Variants in NEBL observed in about 807,000 individuals in gnomAD.
NEBL encodes the protein nebulette, also known as LIM and SH3 protein 2.
In NEBL, 122 loss-of-function variants were observed where a neutral mutation model predicts 140.2. The ratio of observed to expected loss-of-function variants is 0.87; its 90% confidence interval spans 0.75 to 1.01. NEBL has a LOEUF of 1.01. Among genes scored for constraint, NEBL ranks in the 50% least tolerant of loss-of-function variants. The pLI is 0.00. For synonymous variants in NEBL, 436 were observed against 398.9 expected (o/e 1.09, Z -1.11); for missense variants, 1,365 against 1,231.3 (o/e 1.11, Z -1.62).
intron 2 of NEBL, among the ~76,000 whole-genome samples, chr10:21,149,532 C>A (rs1456564464): frequency 6.6e-6 from 1 of 152,174 alleles, no homozygotes; most frequent in Non-Finnish European, 1.5e-5. Context: ...CTCAAGTGAT[C>A]CGCCTCTCTT....
At chr10:21,137,938 AAAGGGAAGGG>A (rs199866448) in intron 2 of NEBL, among the ~76,000 whole-genome samples, 2,006 of 149,002 alleles carry the variant, frequency 0.013, 40 homozygotes, top group African/African-American at 0.044. Context: ...AAAAAAAAGG[AAAGGGAAGGG>A]AAGGGAAGGG....
chr10:20,869,394 C>G (rs1844675051), intron 6 of NEBL, among the ~76,000 whole-genome samples: 1 of 152,060 alleles, frequency 6.6e-6, no homozygotes, highest in Non-Finnish European at 1.5e-5. Context: ...CAAGGCCAAG[C>G]AAGAGCCTTT....
chr10:20,969,495 T>A (rs946488220), intron 3 of NEBL, among the ~76,000 whole-genome samples: 5 of 151,222 alleles, frequency 3.3e-5, no homozygotes, highest in Non-Finnish European at 7.4e-5. Context: ...AAATTTTTTT[T>A]ATTCTAAACA....
intron 2 of NEBL, among the ~76,000 whole-genome samples, chr10:21,251,644 G>A (rs570410966): frequency 6.6e-5 from 10 of 152,160 alleles, no homozygotes; most frequent in African/African-American, 2.2e-4. Context: ...CCAATGTAAT[G>A]GCATTTGGAA....
At chr10:20,949,674 T>G (rs1835357038) in intron 4 of NEBL, among the ~76,000 whole-genome samples, 1 of 152,222 alleles carries the variant, frequency 6.6e-6, no homozygotes, top group African/African-American at 2.4e-5. Flanking sequence ...TGAACAACAC[T>G]CTTCTATACT....
chr10:21,073,485 C>A (rs1219487968), intron 2 of NEBL, among the ~76,000 whole-genome samples: 1 of 151,702 alleles, frequency 6.6e-6, no homozygotes, highest in Admixed American at 6.6e-5. Flanking sequence ...GGCTTGGTGG[C>A]ACGCACTTGT....
chr10:20,909,858 C>T (rs775101996), intron 4 of NEBL, among the ~76,000 whole-genome samples: 7 of 151,932 alleles, frequency 4.6e-5, no homozygotes, highest in Non-Finnish European at 7.4e-5. Context: ...TAGTACAGCC[C>T]TGATCCAAAG....
intron 5 of NEBL, among the ~76,000 whole-genome samples, chr10:20,874,331 A>G (rs78574276): frequency 0.059 from 9,017 of 152,286 alleles, 365 homozygotes; most frequent in Middle Eastern, 0.12. Context: ...CTGTCCTGCC[A>G]GATACCCCAT....
intron 2 of NEBL, among the ~76,000 whole-genome samples, chr10:21,112,528 G>C (rs1054416563): frequency 7.9e-6 from 1 of 127,346 alleles, no homozygotes; most frequent in South Asian, 2.5e-4. Flanking sequence ...TCATAGGTGG[G>C]AACTGAACAA....
At chr10:20,914,532 A>G (rs1848459290) in intron 4 of NEBL, among the ~76,000 whole-genome samples, 1 of 152,234 alleles carries the variant, frequency 6.6e-6, no homozygotes, top group Non-Finnish European at 1.5e-5. Flanking sequence ...ATTGTTTAAT[A>G]ATATTGTTCA....
intron 2 of NEBL, among the ~76,000 whole-genome samples, chr10:21,114,678 G>C (rs975863280): frequency 1.3e-5 from 2 of 152,020 alleles, no homozygotes; most frequent in African/African-American, 4.8e-5. Context: ...TCCTTGCTCA[G>C]AAATATACGT....
At chr10:20,880,708 T>A in intron 5 of NEBL, 86 bp downstream of exon 5, 1 of 973,288 alleles carries the variant, frequency 1.0e-6, no homozygotes, top group Non-Finnish European at 1.7e-6. Flanking sequence ...GCTGTTGTAA[T>A]GTTTAAATTT....
At chr10:20,978,970 T>C (rs1249220018) in intron 3 of NEBL, among the ~76,000 whole-genome samples, 1 of 152,254 alleles carries the variant, frequency 6.6e-6, no homozygotes, top group Middle Eastern at 3.4e-3. Context: ...TATTACGGCA[T>C]CTTAGGCATC....
intron 5 of NEBL, 114 bp from the exon 6 acceptor site, chr10:20,869,955 T>C: frequency 1.3e-6 from 1 of 776,044 alleles, no homozygotes. Context: ...GAGAGCCTAC[T>C]GACCTTAAGT....
At chr10:21,026,443 A>T in intron 2 of NEBL, among the ~76,000 whole-genome samples, 1 of 152,176 alleles carries the variant, frequency 6.6e-6, no homozygotes, top group East Asian at 1.9e-4. Context: ...TAATTTTAAG[A>T]CTTCTAGCTC....
chr10:21,199,609 T>TTGGA (rs2132225460), intron 3 of NEBL, among the ~76,000 whole-genome samples: 1 of 152,298 alleles, frequency 6.6e-6, no homozygotes, highest in African/African-American at 2.4e-5. Flanking sequence ...CTTGGACTGA[T>TTGGA]CTGAGAAGGA....
chr10:20,808,129 A>AT (rs1360091853), intron 26 of NEBL, among the ~76,000 whole-genome samples: 2 of 151,980 alleles, frequency 1.3e-5, no homozygotes, highest in Non-Finnish European at 1.5e-5. Context: ...TGTAAGATTG[A>AT]TTTTTTTCCT....
intron 7 of NEBL, among the ~76,000 whole-genome samples, chr10:20,860,763 T>C (rs1843621373): frequency 6.6e-6 from 1 of 152,138 alleles, no homozygotes; most frequent in South Asian, 2.1e-4. Flanking sequence ...TTCATACATC[T>C]AAAGGCTCTG....
intron 2 of NEBL, among the ~76,000 whole-genome samples, chr10:21,062,343 T>C (rs1835340493): frequency 6.6e-6 from 1 of 151,958 alleles, no homozygotes; most frequent in South Asian, 2.1e-4. Context: ...AAAACTGTTA[T>C]GTATGCCTAG....
Sources: gnomAD v4.1 joint callset for allele counts (sites outside exome capture counted in the v4.1 genomes callset) on GRCh38, gnomAD v4.1.1 for gene constraint, MANE v1.5 for transcripts, NCBI Gene and HGNC (gene_info 2026-07-23, HGNC 2026-07-21) for gene names.